The following PCDHGA8 variants were observed in gnomAD, a reference collection of about 807,000 sequenced individuals.
PCDHGA8 encodes the protein protocadherin gamma-A8.
PCDHGA8 carries 45 observed loss-of-function variants against 59.2 expected under a neutral mutation model. That is an observed-to-expected ratio of 0.76 (90% CI 0.60 to 0.98). The LOEUF is 0.98. Among genes scored for constraint, PCDHGA8 ranks in the 50% least tolerant of loss-of-function variants. The pLI is 0.00. For synonymous variants in PCDHGA8, 531 were observed against 519.0 expected, an observed-to-expected ratio of 1.02 and a Z score of -0.32; for missense variants, 1,257 against 1,196.2, an observed-to-expected ratio of 1.05 and a Z score of -0.75.
chr5:141,486,745 C>T lies in PCDHGA8; in HGVS notation c.2425-8062C>T, dbSNP rs1167986336. On this transcript the variant is annotated intron_variant, in intron 1 of 3. Coordinates refer to ENST00000398604, the MANE Select transcript of PCDHGA8 (RefSeq NM_032088.2). This position sits in a 1 kb window ranked among gnomAD's most constrained non-coding sequence, Gnocchi z 5.0. ...CTGTTCATGCTACTCGATCCTTTGA[C>T]TATGAGCAAACCCAGACACTGCAGT... 3.1e-6 allele frequency: 5 copies of T among 1,614,226 alleles called. No homozygotes were observed. The highest frequency in any genetic ancestry group is 3.4e-6 in the Non-Finnish European group (4 of 1,180,044).
rs2099648980 is a variant in PCDHGA8 at position 141,487,537 on chromosome 5, G to A, written c.2425-7270G>A. ...CTCGGAGTGATAGCTTCATGATGGT[G>A]AAGTCACCCAGTGCACCTATGGCAG... On this transcript the variant is annotated intron_variant, in intron 1 of 3. Transcript: ENST00000398604. The surrounding 1 kb of genome is among the most constrained non-coding windows in gnomAD (Gnocchi z 5.0). The A allele has an allele frequency of 1.2e-6, 2 of 1,614,188 alleles. No individual in the cohort carries two copies. Among genetic ancestry groups the A allele is most frequent in the Admixed American group, 1.7e-5 (1 of 60,028 alleles).
Position 141,432,667 on chromosome 5 carries a change from C to T in PCDHGA8, c.2424+37430C>T, listed in dbSNP as rs1312138743. ...CGGCGCGAGCCCTGCTGGACAGAGACGCGCTCAAGCAGAGCCTCGTAGTGG... is the reference window on the plus strand; with the variant it reads ...CGGCGCGAGCCCTGCTGGACAGAGATGCGCTCAAGCAGAGCCTCGTAGTGG... On this transcript the variant is annotated intron_variant, in intron 1 of 3. Transcript: ENST00000398604. This position sits in a 1 kb window ranked among gnomAD's most constrained non-coding sequence, Gnocchi z 6.0. The T allele has an allele frequency of 1.2e-6, 2 of 1,613,876 alleles. No individual in the cohort carries two copies. The highest frequency in any genetic ancestry group is 1.1e-5 in the South Asian group (1 of 91,066).
intron 1 of PCDHGA8, chr5:141,419,148 C>A: frequency 6.2e-7 from 1 of 1,613,940 alleles, no homozygotes; most frequent in Admixed American, 1.7e-5. Flanking sequence ...AGGGGCAAGC[C>A]TCCGTTATCC....
At chr5:141,449,726 TTTTTTATGACATGATTA>T (rs2098653732) in intron 1 of PCDHGA8, among the ~76,000 whole-genome samples, 1 of 151,792 alleles carries the variant, frequency 6.6e-6, no homozygotes, top group Admixed American at 6.6e-5. Flanking sequence ...ATGATATGAT[TTTTTTATGACATGATTA>T]TTTTTATGAC....
Position 141,432,771 on chromosome 5 carries a change from T to G in PCDHGA8, c.2424+37534T>G. The G allele has an allele frequency of 6.2e-7, 1 of 1,614,006 alleles. No homozygotes were observed. The highest frequency in any genetic ancestry group is 8.5e-7 in the Non-Finnish European group (1 of 1,179,966). On this transcript the variant is annotated intron_variant, in intron 1 of 3. Coordinates refer to ENST00000398604, the MANE Select transcript of PCDHGA8 (RefSeq NM_032088.2). This position sits in a 1 kb window ranked among gnomAD's most constrained non-coding sequence, Gnocchi z 6.0. ...GCCGTGGCCGACAGCATCCCCCAAG[T>G]CCTGGCGGACCTCGGCAGCCTCGAG...
At chr5:141,492,008 G>A (rs1201433644) in intron 1 of PCDHGA8, 21 of 616,588 alleles carry the variant, frequency 3.4e-5, no homozygotes, top group Admixed American at 2.9e-4. Flanking sequence ...CGATTTCCGC[G>A]GGTGTCGGGG....
chr5:141,441,762 C>T (rs3805697), intron 1 of PCDHGA8: 63,073 of 367,490 alleles, frequency 0.17, 6,544 homozygotes, highest in Admixed American at 0.27. Context: ...CGTGAGCCTG[C>T]GCGTGTTGGT....
chr5:141,416,747 T>A (rs920641906), intron 1 of PCDHGA8: 2 of 152,240 alleles, frequency 1.3e-5, no homozygotes, highest in African/African-American at 4.8e-5. Flanking sequence ...AATAGTGACG[T>A]ATTAGGTAGA....
chr5:141,480,402 G>A (rs1268532373), intron 1 of PCDHGA8, among the ~76,000 whole-genome samples: 2 of 145,838 alleles, frequency 1.4e-5, no homozygotes, highest in African/African-American at 2.6e-5. Flanking sequence ...GCAATAGAGT[G>A]AGACCCTGTC....
rs118080774 is a variant in PCDHGA8, at chr5:141,422,026, G to A, written c.2424+26789G>A. On this transcript the variant is annotated intron_variant, in intron 1 of 3. Coordinates refer to ENST00000398604, the MANE Select transcript of PCDHGA8 (RefSeq NM_032088.2). ...CGGAACTCGGGTGCTGATGGTTAAT[G>A]CAACGGATCCAGACGAGGGAATCAA... 69 of 1,611,394 alleles carry A rather than the reference G, an allele frequency of 4.3e-5. No individual in the cohort carries two copies. The East Asian group carries it at 1.4e-3, about 32-fold the overall frequency.
In PCDHGA8 at chr5:141,485,031, C is replaced by A; in HGVS notation, c.2425-9776C>A. On this transcript the variant is annotated intron_variant, in intron 1 of 3. Coordinates refer to ENST00000398604, the MANE Select transcript of PCDHGA8 (RefSeq NM_032088.2). The surrounding 1 kb of genome is among the most constrained non-coding windows in gnomAD (Gnocchi z 5.7). Reference sequence around the variant, plus strand: ...TACCCCGCCACCAGCAAAAACGGCGCGTAACCCTTGCGGCGCCGGCCGAAC... The same window carrying A: ...TACCCCGCCACCAGCAAAAACGGCGAGTAACCCTTGCGGCGCCGGCCGAAC... The A allele has an allele frequency of 1.5e-6, 1 of 680,514 alleles. No homozygotes were observed. Among genetic ancestry groups the A allele is most frequent in the South Asian group, 1.8e-5 (1 of 54,868 alleles). 42.2% of individuals were successfully genotyped at this position (680,514 alleles called of 1,614,324 possible). A position where few individuals can be genotyped will look rare whatever the true frequency, so the allele number is the denominator to read the frequency against.
chr5:141,410,246 TCTGACCCCCAGG>T (rs2095371499), intron 1 of PCDHGA8: 2 of 1,614,004 alleles, frequency 1.2e-6, no homozygotes, highest in Admixed American at 3.3e-5. Flanking sequence ...CCCTGTACTC[TCTGACCCCCAGG>T]CTGAACTGCA....
At chr5:141,438,232 GT>G (rs531572606) in intron 1 of PCDHGA8, among the ~76,000 whole-genome samples, 207 of 152,154 alleles carry the variant, frequency 1.4e-3, no homozygotes, top group Middle Eastern at 0.01. Flanking sequence ...TCAGGAAAAT[GT>G]TTTTAAAAAA....
chr5:141,436,743 C>A (rs991678215), intron 1 of PCDHGA8, among the ~76,000 whole-genome samples: 3 of 152,158 alleles, frequency 2.0e-5, no homozygotes, highest in Non-Finnish European at 4.4e-5. Flanking sequence ...TTTTTGTGTG[C>A]TTCTCCATAT....
intron 1 of PCDHGA8, among the ~76,000 whole-genome samples, chr5:141,453,310 T>C (rs566320120): frequency 6.6e-6 from 1 of 152,044 alleles, no homozygotes; most frequent in South Asian, 2.1e-4. Context: ...TTTATTTATT[T>C]ATTTTAGAGA....
Position 141,419,433 on chromosome 5 carries a change from T to C in PCDHGA8, c.2424+24196T>C, listed in dbSNP as rs1333004780. 11 of 1,613,246 alleles carry C rather than the reference T, an allele frequency of 6.8e-6. No individual in the cohort carries two copies. The highest frequency in any genetic ancestry group is 9.3e-6 in the Non-Finnish European group (11 of 1,179,828). On this transcript the variant is annotated intron_variant, in intron 1 of 3. Coordinates refer to ENST00000398604, the MANE Select transcript of PCDHGA8 (RefSeq NM_032088.2). ...CAGCGCGCCTTCGACCACGAGCAGC[T>C]GCGCACCTTCGAGCTCACGCTGCAG... is the stretch of plus-strand genomic sequence containing the variant.
Position 141,476,511 on chromosome 5 carries a change from A to G in PCDHGA8, c.2425-18296A>G, listed in dbSNP as rs1562054650. Reference sequence around the variant, plus strand: ...GTGATCCAGGACATCAACGACAACAATCCTGCTTTCCCTACCCAGGAAATG... The same window carrying G: ...GTGATCCAGGACATCAACGACAACAGTCCTGCTTTCCCTACCCAGGAAATG... On this transcript the variant is annotated intron_variant, in intron 1 of 3. Transcript: ENST00000398604. The surrounding 1 kb of genome is among the most constrained non-coding windows in gnomAD (Gnocchi z 7.6). The G allele has an allele frequency of 5.0e-6, 8 of 1,613,902 alleles. No individual in the cohort carries two copies. The highest frequency in any genetic ancestry group is 6.8e-6 in the Non-Finnish European group (8 of 1,179,960).
intron 1 of PCDHGA8, chr5:141,422,357 C>G: frequency 6.4e-7 from 1 of 1,557,656 alleles, no homozygotes; most frequent in African/African-American, 1.4e-5. Flanking sequence ...GATCAAGATT[C>G]TGGAGAAAAT....
At chr5:141,441,173 C>G (rs2098230611) in intron 1 of PCDHGA8, 1 of 152,180 alleles carries the variant, frequency 6.6e-6, no homozygotes, top group South Asian at 2.1e-4. Context: ...ATTTTTACTT[C>G]TAATTCCACA....
Sources: allele counts gnomAD v4.1 joint callset (sites outside exome capture counted in the v4.1 genomes callset), GRCh38; gene constraint gnomAD v4.1.1; non-coding constraint Gnocchi (gnomAD v3.1); transcripts MANE v1.5; gene names NCBI Gene and HGNC (gene_info 2026-07-23, HGNC 2026-07-21).